Variants in UTP20 observed in about 807,000 individuals in gnomAD.
UTP20 encodes UTP20 small subunit processome component, also known as small subunit processome component 20 homolog.
Under a neutral mutation model 329.5 loss-of-function variants are expected in UTP20, and 164 were observed. That is an observed-to-expected ratio of 0.50 (90% CI 0.44 to 0.57). The LOEUF (loss-of-function observed/expected upper bound fraction) is 0.57, where lower values mean the gene tolerates loss of function less well. Among genes scored for constraint, UTP20 ranks in the 20% least tolerant of loss-of-function variants. The probability of loss-of-function intolerance (pLI) is 0.00; values close to 1 mark genes in which losing one functional copy is unlikely to be tolerated. For missense variants in UTP20, 3,055 were observed against 3,284.2 expected (o/e 0.93, Z 1.71); for synonymous variants, 1,151 against 1,159.3 (o/e 0.99, Z 0.14).
At chr12:101,350,402 C>T (rs1330621347) in intron 38 of UTP20, among the ~76,000 whole-genome samples, 1 of 152,120 alleles carries the variant, frequency 6.6e-6, no homozygotes, top group Non-Finnish European at 1.5e-5. Context: ...AGTGATCCTC[C>T]CACATTGGCC....
At chr12:101,370,052 TAAA>T (rs368067856) in intron 49 of UTP20, among the ~76,000 whole-genome samples, 161 bp downstream of exon 49, 2 of 122,116 alleles carry the variant, frequency 1.6e-5, no homozygotes, top group Non-Finnish European at 3.7e-5. Context: ...CGTGTCTACA[TAAA>T]AAAAAAAAAA....
intron 25 of UTP20, among the ~76,000 whole-genome samples, chr12:101,326,655 TAC>T (rs1459202148): frequency 6.6e-6 from 1 of 152,180 alleles, no homozygotes; most frequent in Non-Finnish European, 1.5e-5. Context: ...TCATTAGACT[TAC>T]CTTTGATTTG....
At chr12:101,332,890 A>AT (rs939546710) in intron 27 of UTP20, among the ~76,000 whole-genome samples, 1 of 152,180 alleles carries the variant, frequency 6.6e-6, no homozygotes, top group South Asian at 2.1e-4. Context: ...TGAAGATTTA[A>AT]TTTTTTTCCC....
intron 57 of UTP20, 123 bp downstream of exon 57, chr12:101,379,681 T>C (rs1870581725): frequency 1.9e-6 from 2 of 1,071,782 alleles, no homozygotes; most frequent in Non-Finnish European, 2.6e-6. Context: ...GTTGTACAGG[T>C]GAATCAATAG....
chr12:101,306,792 A>C, intron 17 of UTP20, 31 bp downstream of exon 17: 1 of 1,557,090 alleles, frequency 6.4e-7, no homozygotes, highest in South Asian at 1.2e-5. Context: ...GATAGGTTTT[A>C]AAAAAATATA....
At position 101,374,053 on chromosome 12, in the gene UTP20, GT is replaced by G. The variant is rs1279371118; in HGVS notation, c.7131+287del. Among the ~76,000 whole-genome samples the G allele has an allele frequency of 4.6e-5, 7 of 151,774 alleles. No individual in the cohort carries two copies. The East Asian group carries it at 1.2e-3, about 25-fold the overall frequency. ...GATCGAGACCATCCCGGCTAAAACG[GT>G]GAAACCCCGTCTCTACTAAAAATAC... On this transcript the variant is annotated intron_variant, in intron 54 of 61. Transcript: ENST00000261637.
rs750088372 is a variant in UTP20, at chr12:101,352,188, G to A, written c.5018G>A (p.Gly1673Asp). Residue 1673 changes from glycine to aspartate, a missense_variant, in exon 39 of 62, where the codon GGT (glycine) becomes GAT (aspartate). Coordinates refer to ENST00000261637, the MANE Select transcript of UTP20 (RefSeq NM_014503.3). The part of the protein sequence containing the change: ...LQTGQINQKL[G>D]VSLLVIVLEA... ...ACGGGACAGATCAATCAAAAACTGG[G>A]TGTCAGGTGTGGTCAAACTTCTTAT... is the stretch of plus-strand genomic sequence containing the variant. 6.2e-7 allele frequency: 1 copy of A among 1,603,056 alleles called. No homozygotes were observed. Among genetic ancestry groups the A allele is most frequent in the Non-Finnish European group, 8.5e-7 (1 of 1,177,648 alleles).
chr12:101,290,710 G>A (rs1872113868), intron 7 of UTP20, 23 bp from the exon 8 acceptor site: 2 of 1,590,736 alleles, frequency 1.3e-6, no homozygotes, highest in East Asian at 2.2e-5. Context: ...ATATATTAAT[G>A]TTAATGACTT....
At position 101,357,026 on chromosome 12, in the gene UTP20, C is replaced by T; in HGVS notation, c.5635C>T (p.His1879Tyr). 2.5e-6 allele frequency: 4 copies of T among 1,613,796 alleles called. No homozygotes were observed. The highest frequency in any genetic ancestry group is 1.1e-5 in the South Asian group (1 of 91,042). Residue 1879 changes from histidine (H) to tyrosine (Y), a missense_variant, in exon 43 of 62, where the codon CAC becomes TAC. Transcript: ENST00000261637. The stretch of plus-strand genomic sequence containing the variant: ...GAAAATAATAGAGGATCTTGGTGTG[C>T]ACTTCCTCCTATATGTTTTAAAAGA... ...LAKIIEDLGVHFLLYVLKELQ... is the reference protein window; with the variant it reads ...LAKIIEDLGVYFLLYVLKELQ...
chr12:101,333,054 T>G lies in UTP20; in HGVS notation c.3418-247T>G, dbSNP rs76737450. ...ACAACTATTCCAGTTGTAATATTTTTTCTTAAGGATAACTAGTGTGACTAC... is the reference window on the plus strand; with the variant it reads ...ACAACTATTCCAGTTGTAATATTTTGTCTTAAGGATAACTAGTGTGACTAC... On this transcript the variant is annotated intron_variant, in intron 27 of 61. Transcript: ENST00000261637. 2.2e-4 allele frequency among the ~76,000 whole-genome samples: 34 copies of G among 152,372 alleles called. No individual in the cohort carries two copies. In the East Asian group the frequency reaches 6.2e-3, roughly 28 times the overall value.
chr12:101,282,268 G>C (rs997968862), intron 2 of UTP20, among the ~76,000 whole-genome samples: 5 of 150,844 alleles, frequency 3.3e-5, no homozygotes, highest in African/African-American at 1.2e-4. Flanking sequence ...ATTCTTTAGG[G>C]GTGTCAAAAA....
intron 2 of UTP20, among the ~76,000 whole-genome samples, chr12:101,283,557 A>G (rs951173648): frequency 6.6e-6 from 1 of 152,174 alleles, no homozygotes; most frequent in African/African-American, 2.4e-5. Context: ...AGGACGTGAC[A>G]TGGTCTCTCA....
At position 101,290,849 on chromosome 12, in the gene UTP20, C is replaced by G; in HGVS notation, c.852C>G (p.Ile284Met). ...TGGTCAAATCCACTGTATCCTACAT[C>G]TCCAAGGAACATTTTGGTACATTTT... ...KNMVKSTVSY[I>M]SKEHFGTFFE... Residue 284 changes from isoleucine to methionine, a missense_variant, in exon 8 of 62, where the codon ATC becomes ATG. Ile to Met is a conservative substitution (Grantham distance 10). Coordinates refer to ENST00000261637, the MANE Select transcript of UTP20 (RefSeq NM_014503.3). 1 of 1,613,436 alleles carries G rather than the reference C, an allele frequency of 6.2e-7. No individual in the cohort carries two copies. The highest frequency in any genetic ancestry group is 8.5e-7 in the Non-Finnish European group (1 of 1,179,780).
In UTP20 at chr12:101,383,624, A is replaced by G. The variant is rs577369061; in HGVS notation, c.8011A>G (p.Ile2671Val). 71 of 1,613,918 alleles carry G rather than the reference A, an allele frequency of 4.4e-5. No individual in the cohort carries two copies. In the South Asian group the frequency reaches 6.9e-4, roughly 16 times the overall value. Residue 2671 changes from isoleucine (I) to valine (V), a missense_variant, in exon 60 of 62, where the codon ATA becomes GTA. By Grantham distance (29) the Ile-to-Val change is conservative (BLOSUM62 3). Around this residue, in one of 3 missense-constraint regions of UTP20, gnomAD observed 337 missense variants for 345.5 expected, o/e 0.98. Coordinates refer to ENST00000261637, the MANE Select transcript of UTP20 (RefSeq NM_014503.3). The part of the protein sequence containing the change: ...DKVKPYLPMI[I>V]APLFRELNST... Reference sequence around the variant, plus strand: ...GGTAAAGCCGTATCTCCCAATGATCATAGCTCCTTTGTTTCGGGAACTCAA... The same window carrying G: ...GGTAAAGCCGTATCTCCCAATGATCGTAGCTCCTTTGTTTCGGGAACTCAA...
rs745736302 is a variant in UTP20 at position 101,327,148 on chromosome 12, C to T, written c.3109C>T (p.Arg1037Cys). ...KTQGKSASGT[R>C]MAIVLRFLAG... ...TCAGGGGAAATCTGCTTCAGGCACC[C>T]GCATGGCCATTGTCCTGCGGTTCCT... The change falls in exon 26 of 62, where the codon CGC (arginine) becomes TGC (cysteine). Residue 1037 changes from arginine to cysteine, a missense_variant. Physicochemically the swap from Arg to Cys is radical, Grantham distance 180. Coordinates refer to ENST00000261637, the MANE Select transcript of UTP20 (RefSeq NM_014503.3). 12 of 1,613,068 alleles carry T rather than the reference C, an allele frequency of 7.4e-6. No individual in the cohort carries two copies. The highest frequency in any genetic ancestry group is 3.3e-5 in the Admixed American group (2 of 59,976).
At chr12:101,334,530 TA>T in intron 29 of UTP20, 26 bp downstream of exon 29, 1 of 1,587,570 alleles carries the variant, frequency 6.3e-7, no homozygotes. Context: ...TTTCCTTCTT[TA>T]AAAAGGGCAG....
rs769589007 is a variant in UTP20, at chr12:101,345,557, A to G, written c.4609A>G (p.Ile1537Val). The change falls in exon 37 of 62, where the codon ATT becomes GTT. Residue 1537 changes from isoleucine to valine, a missense_variant. Physicochemically the swap from Ile to Val is conservative, Grantham distance 29 (BLOSUM62 3). Coordinates refer to ENST00000261637, the MANE Select transcript of UTP20 (RefSeq NM_014503.3). ...RKGLKSQTESIQQDYTTILSC... is the reference protein window; with the variant it reads ...RKGLKSQTESVQQDYTTILSC... ...TTTCTCCACTTCATATTTACAGAGT[A>G]TTCAGCAGGATTATACCACAATACT... The G allele has an allele frequency of 2.2e-5, 35 of 1,561,944 alleles. No homozygotes were observed. The highest frequency in any genetic ancestry group is 2.9e-5 in the Non-Finnish European group (33 of 1,149,148).
At chr12:101,298,206 A>G (rs1174716661) in intron 12 of UTP20, among the ~76,000 whole-genome samples, 2 of 152,170 alleles carry the variant, frequency 1.3e-5, no homozygotes, top group Admixed American at 6.5e-5. Flanking sequence ...ATAAGAAAAA[A>G]GTTCCTTCTT....
intron 38 of UTP20, among the ~76,000 whole-genome samples, chr12:101,348,739 G>T (rs1325990771): frequency 1.0e-4 from 10 of 97,288 alleles, no homozygotes; most frequent in Admixed American, 1.3e-4. Context: ...GTTTTTGGTG[G>T]TTTTTTTTTT....
Sources: gnomAD v4.1 joint callset for allele counts (sites outside exome capture counted in the v4.1 genomes callset) on GRCh38, gnomAD v4.1.1 for gene constraint, gnomAD v4.1.1 regional missense constraint, MANE v1.5 for transcripts, NCBI Gene and HGNC (gene_info 2026-07-23, HGNC 2026-07-21) for gene names.